The following AK8 variants were observed in gnomAD, a reference collection of about 807,000 sequenced individuals.
AK8 encodes the protein ATP-AMP transphosphorylase 8.
In AK8, 44 loss-of-function variants were observed where a neutral mutation model predicts 54.6. The ratio of observed to expected loss-of-function variants is 0.81; its 90% CI spans 0.63 to 1.04. The LOEUF (loss-of-function observed/expected upper bound fraction) is 1.04, where lower values mean the gene tolerates loss of function less well. Among genes scored for constraint, AK8 ranks in the 50% least tolerant of loss-of-function variants. AK8 has a pLI of 0.00. For missense variants in AK8, 555 were observed against 613.6 expected, an observed-to-expected ratio of 0.90 and a Z score of 1.01; for synonymous variants, 239 against 245.6, an observed-to-expected ratio of 0.97 and a Z score of 0.25.
intron 5 of AK8, among the ~76,000 whole-genome samples, chr9:132,838,634 T>C (rs1227302072): frequency 6.6e-6 from 1 of 152,248 alleles, no homozygotes; most frequent in Non-Finnish European, 1.5e-5. Flanking sequence ...GATGCATTTC[T>C]AGAAGGTCAG....
intron 9 of AK8, among the ~76,000 whole-genome samples, chr9:132,821,754 AATATATACAT>A (rs1306036543): frequency 3.4e-5 from 3 of 86,974 alleles, no homozygotes; most frequent in Non-Finnish European, 7.0e-5. Flanking sequence ...TGTATATACA[AATATATACAT>A]ATATGTATAT....
intron 11 of AK8, among the ~76,000 whole-genome samples, chr9:132,741,186 A>G (rs960105544): frequency 6.6e-6 from 1 of 152,200 alleles, no homozygotes; most frequent in African/African-American, 2.4e-5. Flanking sequence ...GCACAGGAGC[A>G]CACTTTAAAA....
At position 132,826,862 on chromosome 9, in the gene AK8, A is replaced by G. The variant is rs1228120459; in HGVS notation, c.749T>C (p.Phe250Ser). Reference protein sequence around the residue: ...ISADQPCVDVFYQALTYVQSN... With the variant: ...ISADQPCVDVSYQALTYVQSN... ...TGCCTGCTTGTGTTTACCCTGGTAG[A>G]AGACGTCCACACATGGCTGGTCAGC... The change falls in exon 8 of 13, where the codon TTC becomes TCC. Residue 250 changes from phenylalanine (F) to serine (S), a missense_variant. Physicochemically the swap from Phe to Ser is radical, Grantham distance 155. Coordinates refer to ENST00000298545, the MANE Select transcript of AK8 (RefSeq NM_152572.3). The surrounding 1 kb of genome is among the most constrained non-coding windows in gnomAD (Gnocchi z 4.5). 4.3e-6 allele frequency: 7 copies of G among 1,614,234 alleles called. No individual in the cohort carries two copies. Among genetic ancestry groups the G allele is most frequent in the Non-Finnish European group, 5.9e-6 (7 of 1,180,030 alleles).
At chr9:132,877,853 G>A (rs1199386039) in intron 1 of AK8, 1 of 605,650 alleles carries the variant, frequency 1.7e-6, no homozygotes, top group Non-Finnish European at 3.1e-6. Context: ...CATTTCACAG[G>A]TGGGGAAACC....
chr9:132,772,954 C>G (rs533337244), intron 11 of AK8, among the ~76,000 whole-genome samples: 1 of 152,306 alleles, frequency 6.6e-6, no homozygotes, highest in East Asian at 1.9e-4. Context: ...CAGCTGCTAC[C>G]TTGTCCCCCT....
chr9:132,800,416 G>C (rs1454248402), intron 10 of AK8, among the ~76,000 whole-genome samples: 1 of 152,172 alleles, frequency 6.6e-6, no homozygotes, highest in African/African-American at 2.4e-5. Context: ...AAGAGAATGA[G>C]GAGAAACTGG....
intron 10 of AK8, among the ~76,000 whole-genome samples, chr9:132,808,556 C>CA (rs1198295752): frequency 3.3e-5 from 5 of 151,890 alleles, no homozygotes; most frequent in Non-Finnish European, 7.4e-5. Flanking sequence ...CCTGTGAGGA[C>CA]AAAAAAAGAA....
intron 5 of AK8, among the ~76,000 whole-genome samples, chr9:132,842,236 C>T (rs571655290): frequency 6.6e-6 from 1 of 152,128 alleles, no homozygotes; most frequent in Admixed American, 6.5e-5. Context: ...CTCCTTGGGC[C>T]ATGTGCATGT....
intron 2 of AK8, among the ~76,000 whole-genome samples, chr9:132,868,123 G>A (rs756185271): frequency 1.3e-5 from 2 of 152,188 alleles, no homozygotes; most frequent in Non-Finnish European, 2.9e-5. Context: ...CAACTCACAT[G>A]AGCCTCTAAC....
At chr9:132,867,407 G>A (rs1843646677) in intron 2 of AK8, among the ~76,000 whole-genome samples, 1 of 152,214 alleles carries the variant, frequency 6.6e-6, no homozygotes, top group Non-Finnish European at 1.5e-5. Flanking sequence ...GGAAAAGCCT[G>A]GAGTGTATGG....
chr9:132,841,071 C>T (rs1042044119), intron 5 of AK8, among the ~76,000 whole-genome samples: 1 of 152,198 alleles, frequency 6.6e-6, no homozygotes, highest in Admixed American at 6.5e-5. Context: ...ATGCTTGGAT[C>T]GTCACATTTT....
intron 5 of AK8, among the ~76,000 whole-genome samples, chr9:132,832,339 T>C (rs1316388999): frequency 6.6e-6 from 1 of 152,066 alleles, no homozygotes; most frequent in Non-Finnish European, 1.5e-5. Flanking sequence ...GTCCTTGTTA[T>C]AGCCAGCCAA....
rs1381581389 is a variant in AK8 at position 132,875,321 on chromosome 9, A to G, written c.85-122T>C. 3 of 1,489,430 alleles carry G rather than the reference A, an allele frequency of 2.0e-6. No homozygotes were observed. In the African/African-American group the frequency reaches 4.2e-5, roughly 21 times the overall value. 92.3% of individuals were successfully genotyped at this position (1,489,430 alleles called of 1,614,324 possible). A position where few individuals can be genotyped will look rare whatever the true frequency, so the allele number is the denominator to read the frequency against. On this transcript the variant is annotated intron_variant, in intron 1 of 12. Coordinates refer to ENST00000298545, the MANE Select transcript of AK8 (RefSeq NM_152572.3). Reference sequence around the variant, plus strand: ...CCACCAAACATGCCTTCAACCTGGGACCCAGCCACCGCCCCAGCTGGCATC... The same window carrying G: ...CCACCAAACATGCCTTCAACCTGGGGCCCAGCCACCGCCCCAGCTGGCATC...
rs1838896060 is a variant in AK8 at position 132,770,103 on chromosome 9, T to C, written c.1121+22531A>G. On this transcript the variant is annotated intron_variant, in intron 11 of 12. Coordinates refer to ENST00000298545, the MANE Select transcript of AK8 (RefSeq NM_152572.3). This position sits in a 1 kb window ranked among gnomAD's most constrained non-coding sequence, Gnocchi z 4.3. ...AGGTAAAAACAGCAGTCGCGATCCA[T>C]TGTCACAGCCCACTGTCCCCACCCA... The C allele has an allele frequency of 1.3e-5, 2 of 152,054 alleles. No individual in the cohort carries two copies. Among genetic ancestry groups the C allele is most frequent in the Non-Finnish European group, 2.9e-5 (2 of 68,010 alleles). The allele number at this position is 152,054 out of a possible 1,614,324, so 9.4% of individuals were successfully genotyped here.
chr9:132,728,930 G>A (rs148683048), intron 11 of AK8, among the ~76,000 whole-genome samples: 33 of 151,858 alleles, frequency 2.2e-4, no homozygotes, highest in African/African-American at 7.7e-4. Context: ...TTAGAGGCAG[G>A]GTCTCACATT....
At chr9:132,867,153 G>A (rs1413678425) in intron 2 of AK8, among the ~76,000 whole-genome samples, 200 bp from the exon 3 acceptor site, 1 of 152,142 alleles carries the variant, frequency 6.6e-6, no homozygotes, top group Non-Finnish European at 1.5e-5. Context: ...TGATCACCGA[G>A]ATGGTTTATT....
chr9:132,878,039 G>T lies in AK8; in HGVS notation c.84+133C>A. On this transcript the variant is annotated intron_variant, in intron 1 of 12. Coordinates refer to ENST00000298545, the MANE Select transcript of AK8 (RefSeq NM_152572.3). The surrounding 1 kb of genome is among the most constrained non-coding windows in gnomAD (Gnocchi z 4.7). ...TCGGGGTCACGGCGACACACGAATC[G>T]TACATCCCGAGTTGGGCTGCTTCGT... 6.5e-7 allele frequency: 1 copy of T among 1,537,144 alleles called. No homozygotes were observed. The highest frequency in any genetic ancestry group is 8.8e-7 in the Non-Finnish European group (1 of 1,137,280).
chr9:132,733,127 G>A (rs1475006350), intron 11 of AK8, among the ~76,000 whole-genome samples: 1 of 152,148 alleles, frequency 6.6e-6, no homozygotes, highest in African/African-American at 2.4e-5. Flanking sequence ...TGGAGCGGCT[G>A]GGAGCCATGA....
intron 4 of AK8, among the ~76,000 whole-genome samples, chr9:132,856,388 C>T (rs1843173459): frequency 6.6e-6 from 1 of 152,224 alleles, no homozygotes; most frequent in Non-Finnish European, 1.5e-5. Context: ...CCTCTTTAGG[C>T]CTCACACACC....
Sources: allele counts gnomAD v4.1 joint callset (sites outside exome capture counted in the v4.1 genomes callset), GRCh38; gene constraint gnomAD v4.1.1; non-coding constraint Gnocchi (gnomAD v3.1); transcripts MANE v1.5; gene names NCBI Gene and HGNC (gene_info 2026-07-23, HGNC 2026-07-21).